Variants in GNA12 observed in about 807,000 individuals in gnomAD.
GNA12 encodes G protein subunit alpha 12.
A neutral mutation model predicts 26.0 loss-of-function variants in GNA12; 9 were observed. The observed-to-expected ratio is 0.35, with a 90% CI of 0.21 to 0.60. The LOEUF (loss-of-function observed/expected upper bound fraction) is 0.60. Ranked by LOEUF, GNA12 falls within the 20% of genes least tolerant of loss-of-function variation. The pLI is 0.78. For synonymous variants in GNA12, 264 were observed against 219.6 expected (o/e 1.20, Z -1.79); for missense variants, 405 against 525.8 (o/e 0.77, Z 2.25).
chr7:2,744,367 C>A (rs545177358), intron 2 of GNA12, among the ~76,000 whole-genome samples: 126 of 152,284 alleles, frequency 8.3e-4, no homozygotes, highest in African/African-American at 3.0e-3. Context: ...TCACCAATAT[C>A]CGCTGTTCTG....
At chr7:2,795,961 C>T (rs903273114) in intron 1 of GNA12, among the ~76,000 whole-genome samples, 1 of 151,984 alleles carries the variant, frequency 6.6e-6, no homozygotes, top group South Asian at 2.1e-4. Context: ...GCTAGGATTA[C>T]AGGTACCTGC....
chr7:2,819,079 A>AG (rs1365524807), intron 1 of GNA12, among the ~76,000 whole-genome samples: 2 of 152,178 alleles, frequency 1.3e-5, no homozygotes, highest in African/African-American at 4.8e-5. Flanking sequence ...TGGAGTCACC[A>AG]GTCCTTACAA....
At chr7:2,797,978 A>G (rs1792719344) in intron 1 of GNA12, among the ~76,000 whole-genome samples, 2 of 152,238 alleles carry the variant, frequency 1.3e-5, no homozygotes, top group Non-Finnish European at 2.9e-5. Context: ...GCAAACTAGG[A>G]ACAGAGAAAT....
chr7:2,773,749 C>G (rs1017477181), intron 2 of GNA12, among the ~76,000 whole-genome samples: 1 of 152,166 alleles, frequency 6.6e-6, no homozygotes, highest in African/African-American at 2.4e-5. Flanking sequence ...CTGGATGCCC[C>G]AGCAAGTCCA....
intron 2 of GNA12, among the ~76,000 whole-genome samples, chr7:2,739,120 G>C (rs1790369049): frequency 6.6e-6 from 1 of 152,182 alleles, no homozygotes; most frequent in Admixed American, 6.5e-5. Flanking sequence ...GCCACGCCGG[G>C]CCCCTAAAGC....
chr7:2,785,078 T>A (rs905229713), intron 2 of GNA12, among the ~76,000 whole-genome samples: 1 of 152,196 alleles, frequency 6.6e-6, no homozygotes, highest in Non-Finnish European at 1.5e-5. Flanking sequence ...TCTTCGTGAT[T>A]AATGAAATGA....
At chr7:2,735,553 C>T (rs1358923995) in intron 2 of GNA12, among the ~76,000 whole-genome samples, 5 of 152,168 alleles carry the variant, frequency 3.3e-5, no homozygotes, top group African/African-American at 7.2e-5. Context: ...ACAGGAGGGA[C>T]GTTTCCCTCG....
intron 2 of GNA12, among the ~76,000 whole-genome samples, chr7:2,737,218 C>G (rs915726103): frequency 6.7e-6 from 1 of 149,704 alleles, no homozygotes; most frequent in Non-Finnish European, 1.5e-5. Flanking sequence ...GGCCAGAGGG[C>G]CTTTTAATTT....
chr7:2,843,373 A>G (rs927596819), intron 1 of GNA12, among the ~76,000 whole-genome samples: 43 of 151,686 alleles, frequency 2.8e-4, no homozygotes, highest in African/African-American at 9.9e-4. Context: ...ACCGGGCGCC[A>G]TGACTCATGC....
intron 1 of GNA12, among the ~76,000 whole-genome samples, chr7:2,796,615 C>T (rs1792684654): frequency 6.6e-6 from 1 of 152,154 alleles, no homozygotes; most frequent in African/African-American, 2.4e-5. Context: ...CCAAGTAGCC[C>T]GCCCACCAAA....
intron 1 of GNA12, among the ~76,000 whole-genome samples, chr7:2,831,053 T>C (rs1450221286): frequency 6.6e-6 from 1 of 152,154 alleles, no homozygotes; most frequent in East Asian, 1.9e-4. Context: ...CTGCAGTACC[T>C]AGCACATAAA....
At chr7:2,783,463 C>G (rs530860815) in intron 2 of GNA12, among the ~76,000 whole-genome samples, 1 of 152,174 alleles carries the variant, frequency 6.6e-6, no homozygotes, top group East Asian at 1.9e-4. Context: ...TCCTCACCCT[C>G]TGAGGTCCCC....
chr7:2,802,466 AAATAGATTATGTTAGTTTAGCCCCT>A (rs1214132039), intron 1 of GNA12, among the ~76,000 whole-genome samples: 1 of 151,976 alleles, frequency 6.6e-6, no homozygotes, highest in East Asian at 1.9e-4. Flanking sequence ...TCTCATTTCA[AAATAGATTATGTTAGTTTAGCCCCT>A]AATCAAACCA....
intron 2 of GNA12, among the ~76,000 whole-genome samples, chr7:2,739,520 G>T (rs1322993948): frequency 6.6e-6 from 1 of 152,130 alleles, no homozygotes; most frequent in South Asian, 2.1e-4. Flanking sequence ...ATGGATATGT[G>T]GTTTGTTTTT....
intron 2 of GNA12, among the ~76,000 whole-genome samples, chr7:2,792,140 C>G (rs1008918826): frequency 6.6e-6 from 1 of 152,220 alleles, no homozygotes; most frequent in Non-Finnish European, 1.5e-5. Flanking sequence ...AAAGCTCACT[C>G]GCTGGAGACA....
intron 1 of GNA12, among the ~76,000 whole-genome samples, chr7:2,800,238 C>T (rs911137675): frequency 7.2e-5 from 11 of 152,204 alleles, no homozygotes; most frequent in African/African-American, 2.2e-4. Context: ...CAAAAGATCA[C>T]GCACTATGCG....
chr7:2,737,289 GTTT>G (rs11389467), intron 2 of GNA12, among the ~76,000 whole-genome samples: 3 of 62,314 alleles, frequency 4.8e-5, no homozygotes, highest in African/African-American at 1.7e-4. Context: ...TTTTTTTTTT[GTTT>G]TTTTTTTTTT....
chr7:2,747,707 A>G (rs997303702), intron 2 of GNA12, among the ~76,000 whole-genome samples: 26 of 152,232 alleles, frequency 1.7e-4, no homozygotes, highest in African/African-American at 5.8e-4. Flanking sequence ...AGGGTATTCA[A>G]TTAGGAAAAG....
intron 2 of GNA12, among the ~76,000 whole-genome samples, chr7:2,792,752 A>C (rs999410416): frequency 2.0e-5 from 3 of 152,164 alleles, no homozygotes; most frequent in African/African-American, 7.2e-5. Context: ...TTTTACCTTA[A>C]CTGTTAAAGT....
Sources: gnomAD v4.1 joint callset for allele counts (sites outside exome capture counted in the v4.1 genomes callset) on GRCh38, gnomAD v4.1.1 for gene constraint, MANE v1.5 for transcripts, NCBI Gene and HGNC (gene_info 2026-07-23, HGNC 2026-07-21) for gene names.